Variants in PRKG1 observed in about 807,000 individuals in gnomAD.
PRKG1 encodes the protein cGMP-dependent protein kinase 1.
A neutral mutation model predicts 88.1 loss-of-function variants in PRKG1; 35 were observed. That is an observed-to-expected ratio of 0.40 (90% CI 0.30 to 0.53). The LOEUF (loss-of-function observed/expected upper bound fraction) is 0.53, where lower values mean the gene tolerates loss of function less well. Ranked by LOEUF, PRKG1 falls within the 20% of genes least tolerant of loss-of-function variation. The pLI is 0.59. For synonymous variants in PRKG1, 303 were observed against 292.5 expected, an observed-to-expected ratio of 1.04 and a Z score of -0.37; for missense variants, 540 against 839.8, an observed-to-expected ratio of 0.64 and a Z score of 4.41.
At chr10:51,120,664 A>G (rs904270766) in intron 1 of PRKG1, among the ~76,000 whole-genome samples, 2 of 152,192 alleles carry the variant, frequency 1.3e-5, no homozygotes, top group African/African-American at 4.8e-5. Context: ...TTAGTTAAGT[A>G]ATAGACCAAG....
At chr10:51,167,273 A>G (rs1487385474) in intron 2 of PRKG1, among the ~76,000 whole-genome samples, 2 of 152,290 alleles carry the variant, frequency 1.3e-5, no homozygotes, top group Non-Finnish European at 2.9e-5. Flanking sequence ...CCTGAATGAC[A>G]AGAAGGAACC....
intron 3 of PRKG1, among the ~76,000 whole-genome samples, chr10:51,648,418 A>G (rs2132309087): frequency 6.6e-6 from 1 of 152,286 alleles, no homozygotes; most frequent in Non-Finnish European, 1.5e-5. Flanking sequence ...CTGGTTGAAA[A>G]TCATAATCAA....
At chr10:51,449,734 AGTTT>A (rs1470340178) in intron 2 of PRKG1, among the ~76,000 whole-genome samples, 3 of 150,066 alleles carry the variant, frequency 2.0e-5, no homozygotes, top group African/African-American at 7.4e-5. Context: ...GCACAACTTT[AGTTT>A]AACTTCTATT....
chr10:51,409,348 T>C (rs1030620539), intron 2 of PRKG1, among the ~76,000 whole-genome samples: 2 of 152,136 alleles, frequency 1.3e-5, no homozygotes, highest in Non-Finnish European at 2.9e-5. Context: ...AACTTCTTCA[T>C]GTAACTTACT....
At chr10:51,912,903 G>A (rs10823881) in intron 5 of PRKG1, among the ~76,000 whole-genome samples, 34,660 of 151,426 alleles carry the variant, frequency 0.23, 4,378 homozygotes, top group African/African-American at 0.26. Flanking sequence ...TATTACTATT[G>A]TTTTAAAAAT....
chr10:51,024,364 T>G (rs923003399), intron 1 of PRKG1, among the ~76,000 whole-genome samples: 1 of 152,206 alleles, frequency 6.6e-6, no homozygotes, highest in Admixed American at 6.5e-5. Context: ...CCCTGGTCTG[T>G]ATCACAGGGA....
intron 9 of PRKG1, among the ~76,000 whole-genome samples, chr10:52,230,352 C>A (rs963754973): frequency 6.6e-6 from 1 of 152,168 alleles, no homozygotes; most frequent in Non-Finnish European, 1.5e-5. Context: ...ATGGCACTAG[C>A]AAAAACTCCA....
intron 3 of PRKG1, among the ~76,000 whole-genome samples, chr10:51,553,319 A>G (rs1159307986): frequency 1.3e-5 from 2 of 151,750 alleles, no homozygotes; most frequent in Admixed American, 6.6e-5. Context: ...AGTGCGATGA[A>G]TACTTCTGGG....
At position 51,810,345 on chromosome 10, in the gene PRKG1, A is replaced by G. The variant is rs184546134; in HGVS notation, c.698+5655A>G. Among the ~76,000 whole-genome samples, 29 of 152,314 alleles carry G rather than the reference A, an allele frequency of 1.9e-4. 1 individual carries two copies. The highest frequency in any genetic ancestry group is 1.9e-3 in the Admixed American group (29 of 15,282). The stretch of plus-strand genomic sequence containing the variant: ...TTAACCAGAAGGGTAAATCTTTGCC[A>G]GGAAGCCCTCATTACTGGGAGGTGA... On this transcript the variant is annotated intron_variant, in intron 4 of 17. Transcript: ENST00000373980.
chr10:51,743,183 T>A (rs1488864372), intron 3 of PRKG1, among the ~76,000 whole-genome samples: 1 of 152,038 alleles, frequency 6.6e-6, no homozygotes, highest in Non-Finnish European at 1.5e-5. Context: ...CCGGGCCTAT[T>A]TGAAAGGAAT....
At chr10:51,298,147 T>C (rs1840771017) in intron 2 of PRKG1, among the ~76,000 whole-genome samples, 1 of 152,012 alleles carries the variant, frequency 6.6e-6, no homozygotes, top group Non-Finnish European at 1.5e-5. Flanking sequence ...ATATTATCCA[T>C]TTTATAGATG....
Position 52,193,576 on chromosome 10 carries a change from C to CA in PRKG1, c.1076+31623dup, listed in dbSNP as rs1554816007. On this transcript the variant is annotated intron_variant, in intron 9 of 17. Coordinates refer to ENST00000373980, the MANE Select transcript of PRKG1 (RefSeq NM_006258.4). Reference sequence around the variant, plus strand: ...AAAAAAAAAAAACAAAAAAAAAAAACAAAAAAAAAACTATTCCAAATGTCA... The same window carrying CA: ...AAAAAAAAAAAACAAAAAAAAAAAACAAAAAAAAAAACTATTCCAAATGTCA... Among the ~76,000 whole-genome samples, 213 of 60,516 alleles carry CA rather than the reference C, an allele frequency of 3.5e-3. 4 individuals carry two copies. The highest frequency in any genetic ancestry group is 7.4e-3 in the African/African-American group (144 of 19,578). 39.7% of individuals were successfully genotyped at this position (60,516 alleles called of 152,430 possible).
At chr10:51,067,487 C>T (rs866891840) in intron 1 of PRKG1, among the ~76,000 whole-genome samples, 2 of 151,928 alleles carry the variant, frequency 1.3e-5, no homozygotes, top group African/African-American at 4.8e-5. Context: ...TCTCTATGTT[C>T]CTAACAGCAG....
At chr10:52,244,922 A>T (rs905741000) in intron 9 of PRKG1, among the ~76,000 whole-genome samples, 2 of 131,600 alleles carry the variant, frequency 1.5e-5, no homozygotes, top group African/African-American at 5.6e-5. Flanking sequence ...ATATATATAT[A>T]TTTAAATATA....
chr10:51,497,905 G>A (rs1448775965), intron 3 of PRKG1, among the ~76,000 whole-genome samples: 1 of 152,084 alleles, frequency 6.6e-6, no homozygotes, highest in East Asian at 1.9e-4. Context: ...GTTCCATCTG[G>A]ATGTGTTTGT....
intron 2 of PRKG1, chr10:51,299,455 C>T (rs1452093354): frequency 6.8e-6 from 3 of 439,450 alleles, no homozygotes; most frequent in South Asian, 1.6e-5. Context: ...ATCCACCCAC[C>T]TCGGCCTCCC....
At chr10:51,899,785 A>G (rs1045447925) in intron 4 of PRKG1, among the ~76,000 whole-genome samples, 3 of 151,048 alleles carry the variant, frequency 2.0e-5, no homozygotes, top group Admixed American at 1.3e-4. Context: ...TCCCAATCTC[A>G]TATTGAAATG....
chr10:52,080,469 G>T (rs1846743339), intron 7 of PRKG1, among the ~76,000 whole-genome samples: 1 of 152,118 alleles, frequency 6.6e-6, no homozygotes, highest in Admixed American at 6.5e-5. Flanking sequence ...ACTTCGTAAA[G>T]ATGGTAATAT....
chr10:51,240,170 T>C (rs952731795), intron 2 of PRKG1, among the ~76,000 whole-genome samples: 3 of 152,214 alleles, frequency 2.0e-5, no homozygotes, highest in Non-Finnish European at 4.4e-5. Context: ...TGTGGTTTAA[T>C]TGTTAAATAA....
Sources: allele counts gnomAD v4.1 joint callset (sites outside exome capture counted in the v4.1 genomes callset), GRCh38; gene constraint gnomAD v4.1.1; transcripts MANE v1.5; gene names NCBI Gene and HGNC (gene_info 2026-07-23, HGNC 2026-07-21).